The following BACH2 variants were observed in gnomAD, a reference collection of about 807,000 sequenced individuals.
The protein encoded by BACH2 is BACH transcriptional regulator 2.
In BACH2, 5 loss-of-function variants were observed where a neutral mutation model predicts 61.8. The ratio of observed to expected loss-of-function variants is 0.08; its 90% CI spans 0.04 to 0.17. BACH2 has a LOEUF of 0.17. Among genes scored for constraint, BACH2 ranks in the 10% least tolerant of loss-of-function variants. The pLI is 1.00. For synonymous variants in BACH2, 446 were observed against 440.1 expected (o/e 1.01, Z -0.17); for missense variants, 824 against 1,091.1 (o/e 0.76, Z 3.45).
intron 4 of BACH2, among the ~76,000 whole-genome samples, chr6:90,159,906 T>C (rs570337889): frequency 6.6e-6 from 1 of 152,348 alleles, no homozygotes; most frequent in South Asian, 2.1e-4. Flanking sequence ...AATAAAAGAT[T>C]ATCTGAATGG....
chr6:90,103,935 T>A (rs1782787570), intron 4 of BACH2, among the ~76,000 whole-genome samples: 1 of 152,192 alleles, frequency 6.6e-6, no homozygotes, highest in Non-Finnish European at 1.5e-5. Flanking sequence ...CAGGCATGAA[T>A]TATTGTTCAC....
At chr6:90,122,560 ACAAT>A (rs1783675642) in intron 4 of BACH2, among the ~76,000 whole-genome samples, 3 of 152,228 alleles carry the variant, frequency 2.0e-5, no homozygotes, top group Admixed American at 1.3e-4. Flanking sequence ...CCAACTGAAC[ACAAT>A]CAATAATAGA....
At position 90,010,056 on chromosome 6, in the gene BACH2, G is replaced by T. The variant is rs1777624039; in HGVS notation, c.-12-1200C>A. Among the ~76,000 whole-genome samples the T allele has an allele frequency of 2.0e-5, 3 of 152,220 alleles. No individual in the cohort carries two copies. The South Asian group carries it at 6.2e-4, about 31-fold the overall frequency. On this transcript the variant is annotated intron_variant, in intron 5 of 8. Transcript: ENST00000257749. ...GTTTGCTAGAGTAGTAAGAATTCCAGTAGCGAGTCCTACTTTCTTTTTGGC... is the reference window on the plus strand; with the variant it reads ...GTTTGCTAGAGTAGTAAGAATTCCATTAGCGAGTCCTACTTTCTTTTTGGC...
At chr6:90,091,722 T>A (rs189732702) in intron 4 of BACH2, among the ~76,000 whole-genome samples, 4 of 152,162 alleles carry the variant, frequency 2.6e-5, no homozygotes, top group African/African-American at 7.2e-5. Flanking sequence ...AAGATGGTTA[T>A]GGTTTGAGGA....
intron 1 of BACH2, among the ~76,000 whole-genome samples, chr6:90,295,672 T>G (rs1772329291): frequency 6.6e-6 from 1 of 151,676 alleles, no homozygotes; most frequent in Middle Eastern, 3.4e-3. Context: ...TGTGTGTGTG[T>G]GTGTGTGTGT....
intron 5 of BACH2, among the ~76,000 whole-genome samples, chr6:90,057,874 C>T (rs1027452155): frequency 6.6e-6 from 1 of 152,160 alleles, no homozygotes; most frequent in African/African-American, 2.4e-5. Flanking sequence ...AGACAAAAAT[C>T]ACGATTATCT....
intron 3 of BACH2, among the ~76,000 whole-genome samples, chr6:90,236,650 T>A (rs1458543873): frequency 6.6e-6 from 1 of 152,162 alleles, no homozygotes; most frequent in Non-Finnish European, 1.5e-5. Context: ...GTTTCCTGTG[T>A]TTGTCCAGAA....
chr6:90,263,424 A>C (rs1364025451), intron 2 of BACH2, among the ~76,000 whole-genome samples: 1 of 152,234 alleles, frequency 6.6e-6, no homozygotes, highest in Non-Finnish European at 1.5e-5. Flanking sequence ...TTCTTCTGGC[A>C]AAATATTAAA....
chr6:90,261,983 A>G (rs189499315), intron 2 of BACH2, among the ~76,000 whole-genome samples: 5 of 152,172 alleles, frequency 3.3e-5, no homozygotes, highest in Admixed American at 3.3e-4. Flanking sequence ...TTCCATTCCT[A>G]CTTATCTGTA....
intron 1 of BACH2, among the ~76,000 whole-genome samples, chr6:90,296,058 G>T (rs1772361302): frequency 6.6e-6 from 1 of 152,040 alleles, no homozygotes; most frequent in African/African-American, 2.4e-5. Context: ...GGCCTCGCCG[G>T]GCCGGGGGCA....
Position 89,951,295 on chromosome 6 carries a change from C to T in BACH2, c.811G>A (p.Ala271Thr), listed in dbSNP as rs781265188. The change falls in exon 7 of 9, where the codon GCC becomes ACC. Residue 271 changes from alanine to threonine, a missense_variant. Physicochemically the swap from Ala to Thr is moderately conservative, Grantham distance 58. This residue lies in a region of BACH2 where 226 missense variants were observed against 228.5 expected (regional missense o/e 0.99). Coordinates refer to ENST00000257749, the MANE Select transcript of BACH2 (RefSeq NM_021813.4). The surrounding 1 kb of genome is among the most constrained non-coding windows in gnomAD (Gnocchi z 6.4). ...NSSNSLKPGL[A>T]RGQIKSEPPS... ...GGCTCACTTTTAATCTGCCCCCTGGCAAGCCCCGGCTTGAGGCTGTTGCTA... is the reference window on the plus strand; with the variant it reads ...GGCTCACTTTTAATCTGCCCCCTGGTAAGCCCCGGCTTGAGGCTGTTGCTA... 2 of 1,614,108 alleles carry T rather than the reference C, an allele frequency of 1.2e-6. No individual in the cohort carries two copies. Among genetic ancestry groups the T allele is most frequent in the African/African-American group, 2.7e-5 (2 of 74,952 alleles).
intron 3 of BACH2, among the ~76,000 whole-genome samples, chr6:90,221,086 T>C (rs1455456935): frequency 6.6e-6 from 1 of 152,336 alleles, no homozygotes; most frequent in South Asian, 2.1e-4. Flanking sequence ...ACCTTTGGTA[T>C]AGAAATGTAA....
chr6:90,067,503 G>A (rs891972253), intron 5 of BACH2, among the ~76,000 whole-genome samples: 4 of 152,230 alleles, frequency 2.6e-5, no homozygotes, highest in Admixed American at 1.3e-4. Context: ...AGGAGGGCAG[G>A]AACAAGGTGA....
intron 5 of BACH2, among the ~76,000 whole-genome samples, chr6:90,036,065 G>C (rs1331207712): frequency 2.0e-5 from 3 of 151,798 alleles, no homozygotes; most frequent in Non-Finnish European, 2.9e-5. Flanking sequence ...GAACACCATA[G>C]AACTGTAGCT....
intron 2 of BACH2, among the ~76,000 whole-genome samples, chr6:90,270,216 T>G (rs1274600691): frequency 6.6e-6 from 1 of 152,230 alleles, no homozygotes; most frequent in African/African-American, 2.4e-5. Context: ...CTTTTTCATA[T>G]AATGACTTCT....
In BACH2 at chr6:89,931,117, T is replaced by C. The variant is rs1290139258; in HGVS notation, c.*1291A>G. 6.6e-6 allele frequency: 1 copy of C among 152,394 alleles called. No homozygotes were observed. Among genetic ancestry groups the C allele is most frequent in the African/African-American group, 2.4e-5 (1 of 41,466 alleles). 9.4% of individuals were successfully genotyped at this position (152,394 alleles called of 1,614,324 possible). On this transcript the variant is annotated 3_prime_UTR_variant, in exon 9 of 9. Coordinates refer to ENST00000257749, the MANE Select transcript of BACH2 (RefSeq NM_021813.4). The stretch of plus-strand genomic sequence containing the variant: ...AGGCCTCAGGACGTGTTGAAATGAA[T>C]GGGACTTACTCCCTGGGTGAAAACT...
intron 3 of BACH2, among the ~76,000 whole-genome samples, chr6:90,226,173 C>G (rs1036936154): frequency 1.3e-5 from 2 of 152,150 alleles, no homozygotes; most frequent in African/African-American, 2.4e-5. Context: ...ACGGTGGTGG[C>G]CACAGCATGA....
chr6:90,264,000 G>A (rs551676019), intron 2 of BACH2, among the ~76,000 whole-genome samples: 1 of 152,288 alleles, frequency 6.6e-6, no homozygotes, highest in East Asian at 1.9e-4. Flanking sequence ...AGAGCACCAG[G>A]AGAAACTCCT....
chr6:90,150,560 G>A (rs188343939), intron 4 of BACH2, among the ~76,000 whole-genome samples: 4 of 152,266 alleles, frequency 2.6e-5, no homozygotes, highest in Non-Finnish European at 4.4e-5. Flanking sequence ...TTGGGGTAGG[G>A]TGCAGGAGGA....
Sources: allele counts gnomAD v4.1 joint callset (sites outside exome capture counted in the v4.1 genomes callset), GRCh38; gene constraint gnomAD v4.1.1; regional missense constraint gnomAD v4.1.1; non-coding constraint Gnocchi (gnomAD v3.1); transcripts MANE v1.5; gene names NCBI Gene and HGNC (gene_info 2026-07-23, HGNC 2026-07-21).